SSBP3: variants seen among roughly 807,000 people sequenced by gnomAD.
The protein encoded by SSBP3 is single-stranded DNA-binding protein 3.
SSBP3 carries 5 observed loss-of-function variants against 69.6 expected under a neutral mutation model. The observed-to-expected ratio is 0.07, with a 90% CI of 0.04 to 0.15. The LOEUF (loss-of-function observed/expected upper bound fraction) is 0.15, where lower values mean the gene tolerates loss of function less well. Among genes scored for constraint, SSBP3 ranks in the 10% least tolerant of loss-of-function variants. The pLI is 1.00. For missense variants in SSBP3, 312 were observed against 534.0 expected (o/e 0.58, Z 4.10); for synonymous variants, 196 against 193.4 (o/e 1.01, Z -0.11).
chr1:54,345,063 C>G (rs1165019031), intron 4 of SSBP3, among the ~76,000 whole-genome samples: 1 of 152,158 alleles, frequency 6.6e-6, no homozygotes, highest in Non-Finnish European at 1.5e-5. Context: ...CTACTCCACT[C>G]CTGTCATCTG....
chr1:54,291,212 T>C (rs1645600471), intron 4 of SSBP3, among the ~76,000 whole-genome samples: 1 of 152,110 alleles, frequency 6.6e-6, no homozygotes, highest in Admixed American at 6.5e-5. Flanking sequence ...AGAACATCTT[T>C]CAAGGATGGG....
At chr1:54,251,046 G>A (rs1298978684) in intron 9 of SSBP3, among the ~76,000 whole-genome samples, 2 of 152,208 alleles carry the variant, frequency 1.3e-5, no homozygotes, top group East Asian at 3.8e-4. Context: ...GTGGGTGCTG[G>A]GGTCCTGCCA....
In SSBP3 at chr1:54,285,239, G is replaced by A. The variant is rs188919597; in HGVS notation, c.277-3712C>T. Among the ~76,000 whole-genome samples the A allele has an allele frequency of 3.5e-3, 529 of 152,262 alleles. 1 individual carries two copies. The highest frequency in any genetic ancestry group is 0.013 in the South Asian group (64 of 4,814). On this transcript the variant is annotated intron_variant, in intron 4 of 17. Transcript: ENST00000610401. ...GGCAGAAAAGTGTGAAGAAGAAAAC[G>A]AAAAGCAGCAACCAGTGGTATAGGG... is the stretch of plus-strand genomic sequence containing the variant.
chr1:54,401,992 G>T, intron 3 of SSBP3, 47 bp from the exon 4 acceptor site: 1 of 1,549,006 alleles, frequency 6.5e-7, no homozygotes, highest in Non-Finnish European at 8.9e-7. Context: ...ATTATTACTT[G>T]TGTACACAAG....
At chr1:54,327,191 C>A (rs1376798394) in intron 4 of SSBP3, among the ~76,000 whole-genome samples, 2 of 148,408 alleles carry the variant, frequency 1.3e-5, no homozygotes, top group Non-Finnish European at 3.0e-5. Context: ...CTCCCGCTTC[C>A]TAATGCTCAA....
chr1:54,268,597 G>A lies in SSBP3; in HGVS notation c.367-10448C>T, dbSNP rs534118585. Among the ~76,000 whole-genome samples the A allele has an allele frequency of 2.0e-5, 3 of 152,370 alleles. No homozygotes were observed. The South Asian group carries it at 6.2e-4, about 32-fold the overall frequency. On this transcript the variant is annotated intron_variant, in intron 5 of 17. Transcript: ENST00000610401. ...CCCCAATTGCCCACTGAGCAGAAGA[G>A]GGCTAAGAACGGAACAGCAAAGTCT... is the stretch of plus-strand genomic sequence containing the variant.
At chr1:54,260,701 G>A (rs893016680) in intron 5 of SSBP3, among the ~76,000 whole-genome samples, 1 of 152,198 alleles carries the variant, frequency 6.6e-6, no homozygotes, top group East Asian at 1.9e-4. Flanking sequence ...TAAGGATGGA[G>A]CCAGGCTGGT....
At chr1:54,320,697 G>C (rs1223398782) in intron 4 of SSBP3, among the ~76,000 whole-genome samples, 2 of 152,184 alleles carry the variant, frequency 1.3e-5, no homozygotes, top group East Asian at 3.9e-4. Flanking sequence ...ACATCATCCA[G>C]GTGCTAGGAA....
At chr1:54,321,210 C>T (rs1646206753) in intron 4 of SSBP3, among the ~76,000 whole-genome samples, 1 of 152,228 alleles carries the variant, frequency 6.6e-6, no homozygotes, top group African/African-American at 2.4e-5. Context: ...GGGGGCCCAG[C>T]CAGGGAACTC....
At chr1:54,316,930 C>T (rs1418466065) in intron 4 of SSBP3, among the ~76,000 whole-genome samples, 1 of 152,120 alleles carries the variant, frequency 6.6e-6, no homozygotes, top group African/African-American at 2.4e-5. Flanking sequence ...GGCATCCCTT[C>T]AGCCTCTTTT....
intron 4 of SSBP3, among the ~76,000 whole-genome samples, chr1:54,294,161 A>G (rs1645660208): frequency 1.4e-5 from 1 of 70,468 alleles, no homozygotes. Context: ...AAAAAAAAAA[A>G]AGAAAGAAAG....
chr1:54,404,919 T>C, exon 2 of SSBP3: 1 of 1,611,992 alleles, frequency 6.2e-7, no homozygotes, highest in Non-Finnish European at 8.5e-7. Flanking sequence ...TTCGTAGACG[T>C]ATAAAGCTAA....
At chr1:54,384,945 G>A (rs1480946294) in intron 4 of SSBP3, among the ~76,000 whole-genome samples, 2 of 152,110 alleles carry the variant, frequency 1.3e-5, no homozygotes, top group Admixed American at 6.5e-5. Context: ...TCCAGTTGTC[G>A]ACACACCCTG....
intron 4 of SSBP3, among the ~76,000 whole-genome samples, chr1:54,348,053 T>C (rs900325406): frequency 1.3e-5 from 2 of 152,114 alleles, no homozygotes; most frequent in Admixed American, 6.5e-5. Flanking sequence ...CAGGATTATA[T>C]GACTCCGTGC....
At chr1:54,233,354 G>A (rs1296444125) in intron 14 of SSBP3, among the ~76,000 whole-genome samples, 1 of 123,848 alleles carries the variant, frequency 8.1e-6, no homozygotes, top group Non-Finnish European at 1.7e-5. Flanking sequence ...CGGCCGCCCC[G>A]TCTGAGAAGT....
chr1:54,273,914 C>T (rs527974792), intron 5 of SSBP3, among the ~76,000 whole-genome samples: 2 of 152,222 alleles, frequency 1.3e-5, no homozygotes, highest in Non-Finnish European at 2.9e-5. Context: ...CCAACTGTGG[C>T]CTGGAGCCCA....
rs1647149107 is a variant in SSBP3, at chr1:54,372,345, CCAAGA to C, written c.276+29511_276+29515del. Reference sequence around the variant, plus strand: ...ATCAGTGTTCACTGGCCATAATCCTCCAAGACAAAGATCTGCACCTGCCTGGAATG... The same window carrying C: ...ATCAGTGTTCACTGGCCATAATCCTCCAAAGATCTGCACCTGCCTGGAATG... On this transcript the variant is annotated intron_variant, in intron 4 of 17. Coordinates refer to ENST00000610401, the Ensembl canonical transcript of SSBP3. Among the ~76,000 whole-genome samples, 6 of 152,188 alleles carry C rather than the reference CCAAGA, an allele frequency of 3.9e-5. No individual in the cohort carries two copies. The South Asian group carries it at 1.2e-3, about 32-fold the overall frequency.
At chr1:54,246,477 G>A (rs751709423) in intron 9 of SSBP3, among the ~76,000 whole-genome samples, 1 of 152,226 alleles carries the variant, frequency 6.6e-6, no homozygotes, top group Non-Finnish European at 1.5e-5. Flanking sequence ...AACAAGAGCA[G>A]AAGCCTGGTA....
At chr1:54,302,999 A>G (rs959628209) in intron 4 of SSBP3, among the ~76,000 whole-genome samples, 1 of 152,240 alleles carries the variant, frequency 6.6e-6, no homozygotes. Context: ...AGCGGGGCAG[A>G]CGAGACAGAC....
Sources: allele counts gnomAD v4.1 joint callset (sites outside exome capture counted in the v4.1 genomes callset), GRCh38; gene constraint gnomAD v4.1.1; transcripts MANE v1.5; gene names NCBI Gene and HGNC (gene_info 2026-07-23, HGNC 2026-07-21).